The following ALCAM variants were observed in gnomAD, a reference collection of about 807,000 sequenced individuals.
ALCAM encodes the protein CD166 antigen.
ALCAM carries 30 observed loss-of-function variants against 70.9 expected under a neutral mutation model. That is an observed-to-expected ratio of 0.42 (90% CI 0.32 to 0.57). The LOEUF is 0.57. Ranked by LOEUF, ALCAM falls within the 20% of genes least tolerant of loss-of-function variation. The pLI, the probability that ALCAM is intolerant of heterozygous loss-of-function variation, is 0.11. For synonymous variants in ALCAM, 249 were observed against 242.5 expected, an observed-to-expected ratio of 1.03 and a Z score of -0.25; for missense variants, 591 against 695.1, an observed-to-expected ratio of 0.85 and a Z score of 1.68.
At chr3:105,368,403 A>G (rs1215902160) in intron 1 of ALCAM, among the ~76,000 whole-genome samples, 4 of 152,046 alleles carry the variant, frequency 2.6e-5, no homozygotes, top group African/African-American at 9.7e-5. Context: ...CCGTGCGCTC[A>G]CAGTTGCCTG....
Position 105,547,139 on chromosome 3 carries a change from A to C in ALCAM, c.1105-10A>C. The stretch of plus-strand genomic sequence containing the variant: ...TGCCACATGAGGTAATTTACTTTTT[A>C]TTTAATCAGGATAACATCAGGCTTC... On this transcript the variant is annotated splice_polypyrimidine_tract_variant and intron_variant, in intron 9 of 15. Coordinates refer to ENST00000306107, the MANE Select transcript of ALCAM (RefSeq NM_001627.4). 2 of 1,535,872 alleles carry C rather than the reference A, an allele frequency of 1.3e-6. No homozygotes were observed. The highest frequency in any genetic ancestry group is 8.7e-7 in the Non-Finnish European group (1 of 1,143,684).
chr3:105,573,520 A>G (rs1432597205), intron 15 of ALCAM, among the ~76,000 whole-genome samples: 1 of 152,188 alleles, frequency 6.6e-6, no homozygotes, highest in Non-Finnish European at 1.5e-5. Context: ...CCATGTATCT[A>G]TATGCACATA....
chr3:105,512,355 T>C lies in ALCAM; in HGVS notation c.74-7712T>C, dbSNP rs961961522. Among the ~76,000 whole-genome samples, 5 of 10,928 alleles carry C rather than the reference T, an allele frequency of 4.6e-4. No homozygotes were observed. The Admixed American group carries it at 5.9e-3, about 13-fold the overall frequency. The allele number at this position is 10,928 out of a possible 152,430, so 7.2% of individuals were successfully genotyped here. ...GGAAGCATTATGCCTGCCTTTCTGTTGAAATGTTTTTACGAATGCAGTACA... is the reference window on the plus strand; with the variant it reads ...GGAAGCATTATGCCTGCCTTTCTGTCGAAATGTTTTTACGAATGCAGTACA... On this transcript the variant is annotated intron_variant, in intron 1 of 15. Transcript: ENST00000306107.
intron 14 of ALCAM, among the ~76,000 whole-genome samples, chr3:105,559,984 C>T (rs1302438533): frequency 1.3e-5 from 2 of 151,970 alleles, no homozygotes; most frequent in Non-Finnish European, 2.9e-5. Flanking sequence ...GGATACTTTC[C>T]AGTTTGGGCT....
rs1935075896 is a variant in ALCAM, at chr3:105,367,100, G to T, written c.-309G>T. On this transcript the variant is annotated 5_prime_UTR_variant, in exon 1 of 16. Transcript: ENST00000306107. ...AAAGAAGATACCAGCGAAAAGAACC[G>T]CTTACACCTTTCCGAATTACTCAAG... The T allele has an allele frequency of 5.5e-6, 2 of 362,816 alleles. No individual in the cohort carries two copies. Among genetic ancestry groups the T allele is most frequent in the South Asian group, 3.0e-5 (1 of 33,350 alleles). The allele number at this position is 362,816 out of a possible 1,614,324, so 22.5% of individuals were successfully genotyped here.
chr3:105,547,636 T>C, intron 11 of ALCAM, 113 bp downstream of exon 11: 1 of 1,376,310 alleles, frequency 7.3e-7, no homozygotes, highest in Non-Finnish European at 9.8e-7. Flanking sequence ...AGTGTGTAGG[T>C]TGGTTTGTTA....
At chr3:105,399,277 A>C (rs1363670236) in intron 1 of ALCAM, among the ~76,000 whole-genome samples, 1 of 151,878 alleles carries the variant, frequency 6.6e-6, no homozygotes, top group East Asian at 1.9e-4. Context: ...TTTTTTCTTT[A>C]CACTTTAGTT....
chr3:105,492,162 G>A (rs1938605799), intron 1 of ALCAM, among the ~76,000 whole-genome samples: 1 of 152,106 alleles, frequency 6.6e-6, no homozygotes, highest in Non-Finnish European at 1.5e-5. Flanking sequence ...CTGAGAAAAG[G>A]GGGAAGCTCC....
intron 1 of ALCAM, among the ~76,000 whole-genome samples, chr3:105,500,805 C>T (rs1440507012): frequency 6.6e-6 from 1 of 152,126 alleles, no homozygotes; most frequent in Non-Finnish European, 1.5e-5. Flanking sequence ...AAATGTACAT[C>T]TTGGAATCAC....
chr3:105,521,543 G>C (rs763445113), intron 2 of ALCAM, among the ~76,000 whole-genome samples: 5 of 152,194 alleles, frequency 3.3e-5, no homozygotes, highest in Non-Finnish European at 7.4e-5. Flanking sequence ...TTAAAATATA[G>C]GTTCTGAAAT....
intron 1 of ALCAM, among the ~76,000 whole-genome samples, chr3:105,473,751 C>T (rs1938011040): frequency 6.6e-6 from 1 of 151,546 alleles, no homozygotes. Flanking sequence ...GGGCTCCCAT[C>T]CACAGGATTT....
intron 3 of ALCAM, chr3:105,531,240 C>A (rs1030855185): frequency 6.6e-6 from 1 of 152,026 alleles, no homozygotes; most frequent in Non-Finnish European, 1.5e-5. Context: ...AACTTTTAAT[C>A]AATTGCTCCT....
intron 1 of ALCAM, among the ~76,000 whole-genome samples, chr3:105,463,553 T>C (rs1215480540): frequency 6.6e-6 from 1 of 151,442 alleles, no homozygotes; most frequent in African/African-American, 2.4e-5. Flanking sequence ...GCTTTGCAAT[T>C]TACAAGAATT....
chr3:105,504,791 A>T (rs1004570486), intron 1 of ALCAM, among the ~76,000 whole-genome samples: 2 of 152,198 alleles, frequency 1.3e-5, no homozygotes, highest in Non-Finnish European at 2.9e-5. Context: ...GAAAACAAAA[A>T]TGCCTGTCTT....
chr3:105,496,685 C>T (rs1938748195), intron 1 of ALCAM, among the ~76,000 whole-genome samples: 1 of 152,138 alleles, frequency 6.6e-6, no homozygotes, highest in African/African-American at 2.4e-5. Context: ...ATTAACAGAA[C>T]AGAGTGACTG....
chr3:105,412,945 A>G (rs2107398142), intron 1 of ALCAM, among the ~76,000 whole-genome samples: 1 of 152,282 alleles, frequency 6.6e-6, no homozygotes, highest in South Asian at 2.1e-4. Context: ...ATCACTCATC[A>G]TATAATAAAC....
At chr3:105,521,146 A>G (rs1390977198) in intron 2 of ALCAM, among the ~76,000 whole-genome samples, 1 of 150,168 alleles carries the variant, frequency 6.7e-6, no homozygotes, top group African/African-American at 2.5e-5. Context: ...CTAAAAATAC[A>G]AAAAATTAGC....
At chr3:105,371,239 T>A (rs1279255389) in intron 1 of ALCAM, among the ~76,000 whole-genome samples, 1 of 152,184 alleles carries the variant, frequency 6.6e-6, no homozygotes, top group Admixed American at 6.5e-5. Flanking sequence ...AGTATTCATG[T>A]GTTCAGTTTC....
At chr3:105,501,866 T>C (rs1193287736) in intron 1 of ALCAM, among the ~76,000 whole-genome samples, 1 of 152,170 alleles carries the variant, frequency 6.6e-6, no homozygotes, top group Non-Finnish European at 1.5e-5. Flanking sequence ...GGCAATGCAA[T>C]AAAAATGTTT....
Sources: allele counts gnomAD v4.1 joint callset (sites outside exome capture counted in the v4.1 genomes callset), GRCh38; gene constraint gnomAD v4.1.1; transcripts MANE v1.5; gene names NCBI Gene and HGNC (gene_info 2026-07-23, HGNC 2026-07-21).